PEX1: variants seen among roughly 807,000 people sequenced by gnomAD.
The protein encoded by PEX1 is peroxisomal biogenesis factor 1.
Under a neutral mutation model 152.5 loss-of-function variants are expected in PEX1, and 97 were observed. The ratio of observed to expected loss-of-function variants is 0.64; its 90% confidence interval spans 0.54 to 0.75. The LOEUF is 0.75. Among genes scored for constraint, PEX1 ranks in the 30% least tolerant of loss-of-function variants. The pLI is 0.00. For synonymous variants in PEX1, 485 were observed against 531.6 expected (o/e 0.91, Z 1.21); for missense variants, 1,357 against 1,516.3 (o/e 0.89, Z 1.74).
chr7:92,523,893 A>G, intron 1 of PEX1, among the ~76,000 whole-genome samples: 1 of 152,086 alleles, frequency 6.6e-6, no homozygotes, highest in East Asian at 1.9e-4. Flanking sequence ...ATATCAAAAT[A>G]AATTCATTAA....
rs772288971 is a variant in PEX1, at chr7:92,517,589, T to C, written c.926A>G (p.His309Arg). 49 of 1,614,008 alleles carry C rather than the reference T, an allele frequency of 3.0e-5. No homozygotes were observed. Among genetic ancestry groups the C allele is most frequent in the Non-Finnish European group, 4.0e-5 (47 of 1,180,004 alleles). Residue 309 changes from histidine to arginine, a missense_variant, in exon 5 of 24, where the codon CAC (histidine) becomes CGC (arginine). His to Arg is a conservative substitution (Grantham distance 29). Coordinates refer to ENST00000248633, the MANE Select transcript of PEX1 (RefSeq NM_000466.3). The stretch of plus-strand genomic sequence containing the variant: ...CCATGGAAATACATGAATGGCACAG[T>C]GTTTATGAAAAACAGAGGTTGCTGA... ...NASATSVFHK[H>R]CAIHVFPWDQ... is the part of the protein sequence containing the mutation.
chr7:92,490,091 C>T (rs1791207635), intron 21 of PEX1, 180 bp from the exon 22 acceptor site: 4 of 634,126 alleles, frequency 6.3e-6, no homozygotes, highest in South Asian at 5.7e-5. Context: ...TAAAGGTTCA[C>T]TGATACCTGT....
At chr7:92,504,592 T>C (rs1792087899) in intron 12 of PEX1, 140 bp downstream of exon 12, 3 of 849,808 alleles carry the variant, frequency 3.5e-6, no homozygotes, top group Admixed American at 2.1e-5. Context: ...AGGACAACTG[T>C]AGAATGCCAT....
At chr7:92,527,108 A>T (rs947182320) in intron 1 of PEX1, among the ~76,000 whole-genome samples, 2 of 152,250 alleles carry the variant, frequency 1.3e-5, no homozygotes, top group Admixed American at 1.3e-4. Flanking sequence ...CATTTCAAAA[A>T]GATATGCATG....
chr7:92,524,699 G>C (rs1320281618), intron 1 of PEX1, among the ~76,000 whole-genome samples: 1 of 152,156 alleles, frequency 6.6e-6, no homozygotes, highest in Non-Finnish European at 1.5e-5. Context: ...ACTTAGTTGT[G>C]TAATTTTTCT....
intron 10 of PEX1, chr7:92,506,670 G>A (rs1417554397): frequency 2.0e-5 from 10 of 494,106 alleles, no homozygotes; most frequent in Non-Finnish European, 3.6e-5. Context: ...TTTATCACAG[G>A]TATGCAAGGC....
intron 12 of PEX1, among the ~76,000 whole-genome samples, chr7:92,503,751 A>G (rs1039164471): frequency 1.3e-5 from 2 of 152,172 alleles, no homozygotes; most frequent in Non-Finnish European, 2.9e-5. Context: ...ACAGTAACAG[A>G]TCGAGTGTAA....
intron 11 of PEX1, 143 bp downstream of exon 11, chr7:92,506,105 A>AAAGACAAAATTTCT: frequency 1.4e-5 from 7 of 503,336 alleles, no homozygotes; most frequent in Non-Finnish European, 2.5e-5. Context: ...TTAGAAAGCC[A>AAAGACAAAATTTCT]AAGAAATTTT....
At chr7:92,518,068 T>G in intron 4 of PEX1, 26 bp from the exon 5 acceptor site, 1 of 1,613,674 alleles carries the variant, frequency 6.2e-7, no homozygotes. Context: ...AGCTCATTAG[T>G]GCACATTCAT....
intron 20 of PEX1, chr7:92,491,734 T>C (rs1247389804): frequency 2.1e-6 from 1 of 481,904 alleles, no homozygotes; most frequent in Non-Finnish European, 3.7e-6. Context: ...CCCAAGAAAG[T>C]CTGTAATGAA....
At chr7:92,490,404 G>A (rs1352065666) in intron 21 of PEX1, among the ~76,000 whole-genome samples, 2 of 152,096 alleles carry the variant, frequency 1.3e-5, no homozygotes, top group Non-Finnish European at 2.9e-5. Context: ...GGAGGTCAAG[G>A]CACGCAGATA....
chr7:92,513,766 T>C, intron 6 of PEX1, 82 bp downstream of exon 6: 1 of 1,020,356 alleles, frequency 9.8e-7, no homozygotes, highest in Non-Finnish European at 1.5e-6. Context: ...GAATACAACA[T>C]TCTTATTACT....
In PEX1 at chr7:92,489,280, A is replaced by G. The variant is rs370369794; in HGVS notation, c.3767+13T>C. The G allele has an allele frequency of 8.7e-6, 14 of 1,611,154 alleles. No homozygotes were observed. The highest frequency in any genetic ancestry group is 1.2e-5 in the Non-Finnish European group (14 of 1,177,540). On this transcript the variant is annotated intron_variant, in intron 23 of 23. Coordinates refer to ENST00000248633, the MANE Select transcript of PEX1 (RefSeq NM_000466.3). ...ATAGTAGCTGTACTTCCAAAACAGAATCTGTTACTTACAGCTCAGCAAAAT... is the reference window on the plus strand; with the variant it reads ...ATAGTAGCTGTACTTCCAAAACAGAGTCTGTTACTTACAGCTCAGCAAAAT...
chr7:92,490,696 T>C (rs996776179), intron 21 of PEX1, among the ~76,000 whole-genome samples: 2 of 143,200 alleles, frequency 1.4e-5, no homozygotes, highest in East Asian at 2.1e-4. Flanking sequence ...AGGAAACATA[T>C]AGATAACCAA....
intron 8 of PEX1, among the ~76,000 whole-genome samples, chr7:92,510,076 G>A (rs915366908): frequency 6.6e-6 from 1 of 151,706 alleles, no homozygotes; most frequent in African/African-American, 2.4e-5. Context: ...CCCAGGAGGT[G>A]GAGGTTGCAG....
At chr7:92,497,297 A>G (rs1170088807) in intron 16 of PEX1, among the ~76,000 whole-genome samples, 5 of 152,226 alleles carry the variant, frequency 3.3e-5, no homozygotes, top group South Asian at 4.1e-4. Context: ...TTCCAAGTGA[A>G]TAAGTGAATG....
Position 92,489,722 on chromosome 7 carries a change from G to T in PEX1, c.3628C>A (p.Gln1210Lys). The T allele has an allele frequency of 6.2e-7, 1 of 1,613,596 alleles. No homozygotes were observed. Among genetic ancestry groups the T allele is most frequent in the Non-Finnish European group, 8.5e-7 (1 of 1,179,494 alleles). ...ISIIKGRYRS[Q>K]SGEDESMNQP... The stretch of plus-strand genomic sequence containing the variant: ...GGGGGAAAAAGCCATACTCCACTTT[G>T]GCTCCGGTATCTGCCTTTGATAATA... Residue 1210 changes from glutamine (Q) to lysine (K), a missense_variant, in exon 22 of 24, where the codon CAA (glutamine) becomes AAA (lysine). Gln to Lys is a moderately conservative substitution (Grantham distance 53). Transcript: ENST00000248633.
chr7:92,523,183 A>C (rs1793124717), intron 1 of PEX1, among the ~76,000 whole-genome samples: 1 of 152,228 alleles, frequency 6.6e-6, no homozygotes, highest in Admixed American at 6.5e-5. Flanking sequence ...TTCTCTCCAC[A>C]AACAAGACAA....
At chr7:92,510,396 G>C (rs1447860628) in intron 8 of PEX1, among the ~76,000 whole-genome samples, 1 of 151,614 alleles carries the variant, frequency 6.6e-6, no homozygotes, top group Non-Finnish European at 1.5e-5. Flanking sequence ...AGCCTGGGAG[G>C]TCGAGGCTGC....
Sources: gnomAD v4.1 joint callset for allele counts (sites outside exome capture counted in the v4.1 genomes callset) on GRCh38, gnomAD v4.1.1 for gene constraint, MANE v1.5 for transcripts, NCBI Gene and HGNC (gene_info 2026-07-23, HGNC 2026-07-21) for gene names.